ZNF684: variants seen among roughly 807,000 people sequenced by gnomAD.
The protein encoded by ZNF684 is hypothetical protein MGC27466.
In ZNF684, 13 loss-of-function variants were observed where a neutral mutation model predicts 12.8. The observed-to-expected ratio is 1.02, with a 90% CI of 0.66 to 1.62. ZNF684 has a LOEUF of 1.62. Among genes scored for constraint, ZNF684 ranks in the 40% most tolerant of loss-of-function variants. The pLI is 0.00. For missense variants in ZNF684, 384 were observed against 446.9 expected, an observed-to-expected ratio of 0.86 and a Z score of 1.27; for synonymous variants, 118 against 151.8, an observed-to-expected ratio of 0.78 and a Z score of 1.64.
At chr1:40,540,849 C>T (rs946555106) in intron 3 of ZNF684, 137 bp downstream of exon 3, 17 of 911,524 alleles carry the variant, frequency 1.9e-5, no homozygotes, top group Non-Finnish European at 2.5e-5. Flanking sequence ...AGGAGAATTG[C>T]TTGAGCCCAG....
At chr1:40,541,855 G>C in intron 4 of ZNF684, 145 bp downstream of exon 4, 1 of 626,090 alleles carries the variant, frequency 1.6e-6, no homozygotes, top group Non-Finnish European at 2.8e-6. Context: ...CTCCCCAAAA[G>C]CTGCCTTCAC....
At chr1:40,538,131 A>C (rs1645995094) in intron 2 of ZNF684, among the ~76,000 whole-genome samples, 2 of 152,082 alleles carry the variant, frequency 1.3e-5, no homozygotes, top group Non-Finnish European at 2.9e-5. Flanking sequence ...AGCTGGGACT[A>C]CAGGTCCATG....
intron 2 of ZNF684, among the ~76,000 whole-genome samples, chr1:40,538,685 C>G (rs761361914): frequency 4.6e-5 from 7 of 151,704 alleles, no homozygotes; most frequent in Non-Finnish European, 1.0e-4. Flanking sequence ...TGGTAGAACC[C>G]CGTTTCTACT....
rs1221831264 is a variant in ZNF684, at chr1:40,540,668, A to G, written c.98A>G (p.Tyr33Cys). Residue 33 changes from tyrosine to cysteine, a missense_variant, in exon 3 of 5, where the codon TAT (tyrosine) becomes TGT (cysteine). Transcript: ENST00000372699. Reference protein sequence around the residue: ...QLLDCAERTLYWDVMLENYRN... With the variant: ...QLLDCAERTLCWDVMLENYRN... ...CTTGATTGTGCTGAGAGAACCCTGTATTGGGATGTGATGTTGGAGAACTAT... is the reference window on the plus strand; with the variant it reads ...CTTGATTGTGCTGAGAGAACCCTGTGTTGGGATGTGATGTTGGAGAACTAT... 4 of 1,611,900 alleles carry G rather than the reference A, an allele frequency of 2.5e-6. No homozygotes were observed. In the African/African-American group the frequency reaches 5.4e-5, roughly 22 times the overall value.
intron 2 of ZNF684, among the ~76,000 whole-genome samples, chr1:40,538,671 A>G (rs1263287755): frequency 1.3e-5 from 2 of 151,978 alleles, no homozygotes; most frequent in Non-Finnish European, 2.9e-5. Flanking sequence ...CAGCCTGGCC[A>G]ATGTGGTAGA....
chr1:40,541,373 C>T (rs1166817415), intron 3 of ZNF684: 1 of 276,942 alleles, frequency 3.6e-6, no homozygotes, highest in Non-Finnish European at 7.4e-6. Context: ...TTAGCAGAGA[C>T]AGGGTCTCAC....
At chr1:40,545,915 C>CTTTTTTTTTTTT (rs55993619) in intron 4 of ZNF684, among the ~76,000 whole-genome samples, 37 of 67,892 alleles carry the variant, frequency 5.4e-4, no homozygotes, top group East Asian at 7.0e-4. Flanking sequence ...GTCTCCTTTT[C>CTTTTTTTTTTTT]TTTTTTTTTT....
chr1:40,532,274 A>T (rs1645962062), intron 1 of ZNF684, among the ~76,000 whole-genome samples: 1 of 152,186 alleles, frequency 6.6e-6, no homozygotes. Flanking sequence ...CTGAAGCTGA[A>T]AGGTGAAATT....
intron 3 of ZNF684, chr1:40,541,274 C>G (rs1646014055): frequency 5.5e-6 from 1 of 180,838 alleles, no homozygotes; most frequent in Admixed American, 5.4e-5. Context: ...GGCTTCACCT[C>G]CCAGGTTCAC....
Position 40,546,593 on chromosome 1 carries a change from G to C in ZNF684, c.270G>C (p.Gly90=). The change falls in exon 5 of 5, where the codon GGG becomes GGC. Residue 90 remains glycine (G), a synonymous_variant. Transcript: ENST00000372699. ...ACTACCCACTTGTTGATGAACCAGG[G>C]AAGCATCGGGAAAGCAAAGACAATT... is the stretch of plus-strand genomic sequence containing the variant. The part of the protein sequence containing the change: ...ESDYPLVDEP[G]KHRESKDNFL... 6.4e-7 allele frequency: 1 copy of C among 1,571,932 alleles called. No homozygotes were observed. The highest frequency in any genetic ancestry group is 1.2e-5 in the South Asian group (1 of 82,680).
intron 2 of ZNF684, among the ~76,000 whole-genome samples, chr1:40,539,081 G>A (rs968954380): frequency 6.6e-6 from 1 of 151,724 alleles, no homozygotes; most frequent in Non-Finnish European, 1.5e-5. Flanking sequence ...CCAGGCTGGA[G>A]TGCAGTGGCG....
In ZNF684 at chr1:40,547,202, T is replaced by C. The variant is rs1465319173; in HGVS notation, c.879T>C (p.His293=). The part of the protein sequence containing the change: ...SSSLYKHSRF[H]TGEKPYQCII... ...CCCTTTATAAACATTCCAGATTTCA[T>C]ACAGGAGAGAAACCCTACCAGTGTA... The change falls in exon 5 of 5, where the codon CAT becomes CAC. Residue 293 remains histidine (H), a synonymous_variant. Transcript: ENST00000372699. 1 of 1,614,226 alleles carries C rather than the reference T, an allele frequency of 6.2e-7. No homozygotes were observed. The highest frequency in any genetic ancestry group is 1.7e-5 in the Admixed American group (1 of 60,018).
intron 2 of ZNF684, 69 bp downstream of exon 2, chr1:40,533,250 A>G: frequency 6.8e-7 from 1 of 1,461,462 alleles, no homozygotes; most frequent in Non-Finnish European, 9.5e-7. Context: ...AAGGAAATGT[A>G]TGGTCAGGAA....
intron 3 of ZNF684, among the ~76,000 whole-genome samples, 162 bp downstream of exon 3, chr1:40,540,874 C>A (rs1319415645): frequency 1.3e-5 from 2 of 151,780 alleles, no homozygotes; most frequent in East Asian, 3.9e-4. Flanking sequence ...TCAAGACCAG[C>A]CTGAGCAACG....
intron 2 of ZNF684, among the ~76,000 whole-genome samples, chr1:40,534,323 C>T (rs1293471706): frequency 3.4e-5 from 5 of 147,974 alleles, no homozygotes; most frequent in Admixed American, 6.8e-5. Flanking sequence ...TTACTGCAAC[C>T]TCCATCTCCT....
At position 40,547,440 on chromosome 1, in the gene ZNF684, C is replaced by T; in HGVS notation, c.1117C>T (p.His373Tyr). The stretch of plus-strand genomic sequence containing the variant: ...TTCCCAGAAGTCAAATCTTATTGTA[C>T]ATCAGAAAATTCATACATAATATTC... ...AFSQKSNLIV[H>Y]QKIHT The change falls in exon 5 of 5, where the codon CAT (histidine) becomes TAT (tyrosine). Residue 373 changes from histidine (H) to tyrosine (Y), a missense_variant. Coordinates refer to ENST00000372699, the MANE Select transcript of ZNF684 (RefSeq NM_152373.4). The T allele has an allele frequency of 1.2e-6, 2 of 1,602,524 alleles. No individual in the cohort carries two copies. Among genetic ancestry groups the T allele is most frequent in the Non-Finnish European group, 1.7e-6 (2 of 1,173,208 alleles).
At chr1:40,543,910 AT>A (rs980726849) in intron 4 of ZNF684, among the ~76,000 whole-genome samples, 1 of 152,064 alleles carries the variant, frequency 6.6e-6, no homozygotes, top group Non-Finnish European at 1.5e-5. Flanking sequence ...CAATTCTATT[AT>A]GACTCTGTCA....
rs1646007983 is a variant in ZNF684 at position 40,540,438 on chromosome 1, A to G, written c.16-148A>G. 4.8e-6 allele frequency: 4 copies of G among 826,406 alleles called. No homozygotes were observed. In the South Asian group the frequency reaches 9.9e-5, roughly 20 times the overall value. The allele number at this position is 826,406 out of a possible 1,614,324, so 51.2% of individuals were successfully genotyped here. On this transcript the variant is annotated intron_variant, in intron 2 of 4. Coordinates refer to ENST00000372699, the MANE Select transcript of ZNF684 (RefSeq NM_152373.4). The stretch of plus-strand genomic sequence containing the variant: ...AAGATTTTTCTTACTATCACAAAGC[A>G]TATTTCCGAATCAAGCATGTAATCA...
Position 40,545,915 on chromosome 1 carries a change from C to CTTT in ZNF684, c.239-624_239-622dup, listed in dbSNP as rs55993619. ...AATCCCTTTGCCTTTGTCTCCTTTT[C>CTTT]TTTTTTTTTTTTTTTTTTTTTTTTT... On this transcript the variant is annotated intron_variant, in intron 4 of 4. Transcript: ENST00000372699. Among the ~76,000 whole-genome samples, 263 of 67,888 alleles carry CTTT rather than the reference C, an allele frequency of 3.9e-3. 1 individual carries two copies. The highest frequency in any genetic ancestry group is 5.0e-3 in the African/African-American group (78 of 15,734). The allele number at this position is 67,888 out of a possible 152,430, so 44.5% of individuals were successfully genotyped here.
Sources: allele counts gnomAD v4.1 joint callset (sites outside exome capture counted in the v4.1 genomes callset), GRCh38; gene constraint gnomAD v4.1.1; transcripts MANE v1.5; gene names NCBI Gene and HGNC (gene_info 2026-07-23, HGNC 2026-07-21).